The following RAB19 variants were observed in gnomAD, a reference collection of about 807,000 sequenced individuals.
RAB19 encodes ras-related protein Rab-19.
In RAB19, 21 loss-of-function variants were observed where a neutral mutation model predicts 17.3. That is an observed-to-expected ratio of 1.21 (90% CI 0.86 to 1.74). The LOEUF is 1.74. Ranked by LOEUF, RAB19 falls within the 40% of genes most tolerant of loss-of-function variation. The pLI, the probability that RAB19 is intolerant of heterozygous loss-of-function variation, is 0.00. For synonymous variants in RAB19, 126 were observed against 110.4 expected, an observed-to-expected ratio of 1.14 and a Z score of -0.88; for missense variants, 277 against 286.8, an observed-to-expected ratio of 0.97 and a Z score of 0.25.
At chr7:140,407,543 T>C (rs1799265794) in intron 1 of RAB19, 81 bp from the exon 2 acceptor site, 1 of 969,752 alleles carries the variant, frequency 1.0e-6, no homozygotes, top group African/African-American at 1.6e-5. Flanking sequence ...GATGTAGCAC[T>C]GTGAAGGTAA....
At position 140,426,175 on chromosome 7, in the gene RAB19, C is replaced by T; in HGVS notation, c.*25C>T. Reference sequence around the variant, plus strand: ...AGATGTTTGCAAAGCCAGTTGCACCCACCAAAGAGGCCGCCTCTGAAACCA... The same window carrying T: ...AGATGTTTGCAAAGCCAGTTGCACCTACCAAAGAGGCCGCCTCTGAAACCA... On this transcript the variant is annotated 3_prime_UTR_variant, in exon 4 of 4. Coordinates refer to ENST00000537763, the MANE Select transcript of RAB19 (RefSeq NM_001008749.3). 1 of 1,598,782 alleles carries T rather than the reference C, an allele frequency of 6.3e-7. No homozygotes were observed. Among genetic ancestry groups the T allele is most frequent in the Non-Finnish European group, 8.5e-7 (1 of 1,171,656 alleles).
At position 140,427,791 on chromosome 7, in the gene RAB19, C is replaced by T. The variant is rs182276641; in HGVS notation, c.*1641C>T. 4.7e-5 allele frequency among the ~76,000 whole-genome samples: 7 copies of T among 150,262 alleles called. No homozygotes were observed. Among genetic ancestry groups the T allele is most frequent in the South Asian group, 2.1e-4 (1 of 4,710 alleles). On this transcript the variant is annotated 3_prime_UTR_variant, in exon 4 of 4. Coordinates refer to ENST00000537763, the MANE Select transcript of RAB19 (RefSeq NM_001008749.3). ...TTATTGTAGAAATGAAGTCTTGCTA[C>T]GTTGCCCAGGCTGGTCTCCAATTCC...
chr7:140,411,987 C>A lies in RAB19; in HGVS notation c.315C>A (p.Phe105Leu). ...ATGACCTCACCCGGCGGTCCACGTT[C>A]GAGTCCATCCCTCACTGGATTCATG... ...IAYDLTRRST[F>L]ESIPHWIHEI... The change falls in exon 3 of 4, where the codon TTC (phenylalanine) becomes TTA (leucine). Residue 105 changes from phenylalanine to leucine, a missense_variant. By Grantham distance (22) the Phe-to-Leu change is conservative. Transcript: ENST00000537763. 6.2e-7 allele frequency: 1 copy of A among 1,614,104 alleles called. No individual in the cohort carries two copies.
chr7:140,418,396 CAAAAAAAAAAAAAA>C (rs140238398), intron 3 of RAB19, among the ~76,000 whole-genome samples: 2 of 70,372 alleles, frequency 2.8e-5, no homozygotes, highest in South Asian at 1.0e-3. Context: ...TGCTAAAATA[CAAAAAAAAAAAAAA>C]AAAAAAAAAA....
chr7:140,405,211 T>TTTTG (rs61483734), intron 1 of RAB19, among the ~76,000 whole-genome samples: 84,854 of 150,180 alleles, frequency 0.57, 24,281 homozygotes, highest in East Asian at 0.79. Context: ...GGTTTTGTGT[T>TTTTG]TTTGTTTGTT....
At chr7:140,410,313 C>CTTTTTTTTTGTTTTTTTTTTT (rs1799331632) in intron 2 of RAB19, among the ~76,000 whole-genome samples, 1 of 81,038 alleles carries the variant, frequency 1.2e-5, no homozygotes, top group Non-Finnish European at 2.1e-5. Context: ...TTGTATTTTT[C>CTTTTTTTTTGTTTTTTTTTTT]TTTTTTTTTT....
chr7:140,406,921 T>C (rs1013139982), intron 1 of RAB19, among the ~76,000 whole-genome samples: 1 of 151,838 alleles, frequency 6.6e-6, no homozygotes, highest in African/African-American at 2.4e-5. Flanking sequence ...GTTTCGCTCT[T>C]GTTGCCCAGG....
intron 3 of RAB19, among the ~76,000 whole-genome samples, chr7:140,424,930 A>G (rs1799636633): frequency 6.6e-6 from 1 of 152,020 alleles, no homozygotes; most frequent in Non-Finnish European, 1.5e-5. Context: ...TTTTATCTTT[A>G]GATTCCTGCC....
intron 2 of RAB19, among the ~76,000 whole-genome samples, chr7:140,411,363 G>C (rs1799358085): frequency 6.6e-6 from 1 of 152,162 alleles, no homozygotes; most frequent in South Asian, 2.1e-4. Context: ...TGGCGCCACT[G>C]CACGCCAGCC....
intron 3 of RAB19, among the ~76,000 whole-genome samples, chr7:140,422,315 G>C (rs1799575643): frequency 1.3e-5 from 2 of 152,120 alleles, no homozygotes; most frequent in Non-Finnish European, 2.9e-5. Flanking sequence ...CTTGAACCTG[G>C]GAAGTGGGGG....
chr7:140,422,742 G>A (rs1226452228), intron 3 of RAB19, among the ~76,000 whole-genome samples: 2 of 152,132 alleles, frequency 1.3e-5, no homozygotes, highest in South Asian at 2.1e-4. Context: ...GAACGTTAAC[G>A]CTGCAGTGAG....
chr7:140,417,642 C>A (rs977785063), intron 3 of RAB19, among the ~76,000 whole-genome samples: 1 of 152,128 alleles, frequency 6.6e-6, no homozygotes, highest in Admixed American at 6.6e-5. Flanking sequence ...CCAACTGCCA[C>A]GAGCTGGGGG....
intron 3 of RAB19, among the ~76,000 whole-genome samples, chr7:140,413,427 G>A (rs1563071632): frequency 6.6e-6 from 1 of 151,870 alleles, no homozygotes. Context: ...AATGTCTTTG[G>A]GCCAGGCACG....
intron 1 of RAB19, among the ~76,000 whole-genome samples, chr7:140,405,347 A>C (rs1799217188): frequency 6.6e-6 from 1 of 152,034 alleles, no homozygotes; most frequent in Non-Finnish European, 1.5e-5. Context: ...TAGCCTCCCA[A>C]GTAGCTGGGA....
Position 140,410,313 on chromosome 7 carries a change from CTTTTTTTTTT to C in RAB19, c.202-1546_202-1537del, listed in dbSNP as rs762151021. ...ATGCCCAGCTAATTTTTGTATTTTTCTTTTTTTTTTTTTTTTTTTTTTTTGAGACGGAGTC... is the reference window on the plus strand; with the variant it reads ...ATGCCCAGCTAATTTTTGTATTTTTCTTTTTTTTTTTTTTGAGACGGAGTC... On this transcript the variant is annotated intron_variant, in intron 2 of 3. Transcript: ENST00000537763. Among the ~76,000 whole-genome samples the C allele has an allele frequency of 8.6e-5, 7 of 81,038 alleles. No individual in the cohort carries two copies. The East Asian group carries it at 1.3e-3, about 15-fold the overall frequency. The allele number at this position is 81,038 out of a possible 152,430, so 53.2% of individuals were successfully genotyped here.
intron 3 of RAB19, among the ~76,000 whole-genome samples, chr7:140,419,568 A>T (rs1478619998): frequency 6.6e-6 from 1 of 152,182 alleles, no homozygotes; most frequent in Non-Finnish European, 1.5e-5. Flanking sequence ...TGGACATTTG[A>T]GTTGCTTCTA....
At chr7:140,411,134 T>A in intron 2 of RAB19, 1 of 1,365,204 alleles carries the variant, frequency 7.3e-7, no homozygotes, top group Non-Finnish European at 9.8e-7. Flanking sequence ...GCGCAGTGGC[T>A]CACGCCTGTA....
chr7:140,405,377 C>T lies in RAB19; in HGVS notation c.-24+1160C>T, dbSNP rs141175385. On this transcript the variant is annotated intron_variant, in intron 1 of 3. Coordinates refer to ENST00000537763, the MANE Select transcript of RAB19 (RefSeq NM_001008749.3). Reference sequence around the variant, plus strand: ...CTGGGATTACAGGTGCATGCCACCACGCCCGGCTAATTTTTTGTATTTTTA... The same window carrying T: ...CTGGGATTACAGGTGCATGCCACCATGCCCGGCTAATTTTTTGTATTTTTA... Among the ~76,000 whole-genome samples the T allele has an allele frequency of 8.2e-3, 1,249 of 152,074 alleles. 21 individuals carry two copies. The highest frequency in any genetic ancestry group is 0.028 in the African/African-American group (1,178 of 41,504).
intron 3 of RAB19, among the ~76,000 whole-genome samples, chr7:140,418,081 C>T (rs1281030226): frequency 1.3e-5 from 2 of 152,138 alleles, no homozygotes; most frequent in African/African-American, 4.8e-5. Flanking sequence ...TGGATTTAAA[C>T]TTCTTTGGGG....
Sources: allele counts gnomAD v4.1 joint callset (sites outside exome capture counted in the v4.1 genomes callset), GRCh38; gene constraint gnomAD v4.1.1; transcripts MANE v1.5; gene names NCBI Gene and HGNC (gene_info 2026-07-23, HGNC 2026-07-21).